Variants in CTNNA2 observed in about 807,000 individuals in gnomAD.
CTNNA2 encodes the protein catenin alpha-2.
Under a neutral mutation model 101.0 loss-of-function variants are expected in CTNNA2, and 42 were observed. The observed-to-expected ratio is 0.42, with a 90% confidence interval of 0.32 to 0.54. The LOEUF (loss-of-function observed/expected upper bound fraction) is 0.54. Among genes scored for constraint, CTNNA2 ranks in the 20% least tolerant of loss-of-function variants. CTNNA2 has a pLI of 0.14. For missense variants in CTNNA2, 871 were observed against 1,223.1 expected, an observed-to-expected ratio of 0.71 and a Z score of 4.29; for synonymous variants, 450 against 456.4, an observed-to-expected ratio of 0.99 and a Z score of 0.18.
chr2:79,808,497 A>G (rs73941317), intron 3 of CTNNA2, among the ~76,000 whole-genome samples: 4,483 of 152,260 alleles, frequency 0.029, 240 homozygotes, highest in African/African-American at 0.1. Flanking sequence ...AGCTAGAGCT[A>G]TCACCGAATT....
Position 79,922,642 on chromosome 2 carries a change from CTT to C in CTNNA2, c.1056+12860_1056+12861del, listed in dbSNP as rs35186079. On this transcript the variant is annotated intron_variant, in intron 7 of 18. Transcript: ENST00000402739. ...CCTTTAAAACCATATCAGTTTTTTA[CTT>C]TTTTTTTTTTTTTTAGTTCTTTCAA... Among the ~76,000 whole-genome samples the C allele has an allele frequency of 1.2e-3, 158 of 137,160 alleles. 3 individuals carry two copies. The highest frequency in any genetic ancestry group is 3.9e-3 in the African/African-American group (146 of 37,466). The allele number at this position is 137,160 out of a possible 152,430, so 90.0% of individuals were successfully genotyped here.
At chr2:80,522,395 T>TA (rs1156669228) in intron 9 of CTNNA2, among the ~76,000 whole-genome samples, 3 of 152,110 alleles carry the variant, frequency 2.0e-5, no homozygotes, top group Admixed American at 6.5e-5. Context: ...CTGTAGAAAA[T>TA]AGATTGCATT....
At chr2:79,985,656 C>T (rs998570685) in intron 7 of CTNNA2, among the ~76,000 whole-genome samples, 4 of 152,160 alleles carry the variant, frequency 2.6e-5, no homozygotes, top group Non-Finnish European at 5.9e-5. Flanking sequence ...ATTAAGCAAA[C>T]TAATCTACTG....
chr2:80,036,149 A>G (rs2104232786), intron 7 of CTNNA2, among the ~76,000 whole-genome samples: 2 of 152,294 alleles, frequency 1.3e-5, no homozygotes, highest in South Asian at 4.2e-4. Flanking sequence ...ATAATCTACT[A>G]GAGACTGGAG....
intron 18 of CTNNA2, among the ~76,000 whole-genome samples, chr2:80,624,109 A>G (rs1249156830): frequency 2.6e-5 from 4 of 151,978 alleles, no homozygotes; most frequent in South Asian, 2.1e-4. Context: ...ATGAAGATTG[A>G]AGCTAAGTTG....
At chr2:79,537,796 CTTT>C (rs34057879) in intron 1 of CTNNA2, among the ~76,000 whole-genome samples, 1 of 145,384 alleles carries the variant, frequency 6.9e-6, no homozygotes, top group Non-Finnish European at 1.5e-5. Context: ...ATTACTATGC[CTTT>C]TTTTTTTTTT....
At chr2:80,404,350 TG>T (rs1200280824) in intron 8 of CTNNA2, among the ~76,000 whole-genome samples, 6 of 151,850 alleles carry the variant, frequency 4.0e-5, no homozygotes, top group Non-Finnish European at 1.5e-5. Context: ...ACACAGCTCC[TG>T]GATTTGTTGA....
chr2:80,634,465 A>G (rs904924124), intron 18 of CTNNA2, among the ~76,000 whole-genome samples: 6 of 149,698 alleles, frequency 4.0e-5, no homozygotes, highest in Admixed American at 6.7e-5. Flanking sequence ...ACAAGAAACC[A>G]GTATTTAGGA....
At chr2:79,215,449 C>G (rs1423611565) in intron 2 of CTNNA2, among the ~76,000 whole-genome samples, 1 of 152,160 alleles carries the variant, frequency 6.6e-6, no homozygotes, top group Non-Finnish European at 1.5e-5. Flanking sequence ...TATTGTACAC[C>G]TCGAAGGTGA....
At chr2:79,876,669 C>T (rs78638539) in intron 6 of CTNNA2, among the ~76,000 whole-genome samples, 8,159 of 152,220 alleles carry the variant, frequency 0.054, 587 homozygotes, top group East Asian at 0.33. Context: ...TGTTTCCAGA[C>T]GATTTTCATT....
At chr2:79,314,792 T>G (rs2104403519) in intron 3 of CTNNA2, among the ~76,000 whole-genome samples, 1 of 152,328 alleles carries the variant, frequency 6.6e-6, no homozygotes, top group Admixed American at 6.5e-5. Flanking sequence ...GAGTTTCAAA[T>G]TCTTTCCCTG....
chr2:79,392,609 T>C (rs897499315), intron 4 of CTNNA2, among the ~76,000 whole-genome samples: 1 of 152,200 alleles, frequency 6.6e-6, no homozygotes, highest in Non-Finnish European at 1.5e-5. Context: ...ACTGTTTTTA[T>C]CTTTATTTTC....
At chr2:79,202,795 G>T (rs1237337646) in intron 2 of CTNNA2, among the ~76,000 whole-genome samples, 1 of 152,042 alleles carries the variant, frequency 6.6e-6, no homozygotes, top group Non-Finnish European at 1.5e-5. Flanking sequence ...CACAAGCCCA[G>T]CCATTGTTCT....
chr2:79,589,944 A>C (rs536089285), intron 1 of CTNNA2, among the ~76,000 whole-genome samples: 1 of 152,334 alleles, frequency 6.6e-6, no homozygotes, highest in East Asian at 1.9e-4. Flanking sequence ...TCTTCTAGGT[A>C]TACACAATCA....
At chr2:80,009,037 A>T (rs998313997) in intron 7 of CTNNA2, among the ~76,000 whole-genome samples, 7 of 152,216 alleles carry the variant, frequency 4.6e-5, no homozygotes, top group Non-Finnish European at 8.8e-5. Context: ...AAACTATGGC[A>T]TTGGAGAAGG....
chr2:80,515,050 T>C (rs1222381610), intron 9 of CTNNA2, among the ~76,000 whole-genome samples: 1 of 152,136 alleles, frequency 6.6e-6, no homozygotes, highest in East Asian at 1.9e-4. Context: ...ATTTCTCCTT[T>C]TGCAGGGAGA....
chr2:80,120,479 T>G (rs1432919282), intron 7 of CTNNA2, among the ~76,000 whole-genome samples: 2 of 152,144 alleles, frequency 1.3e-5, no homozygotes, highest in East Asian at 3.9e-4. Context: ...TGGATGAACT[T>G]GAGACTAAGG....
intron 7 of CTNNA2, among the ~76,000 whole-genome samples, chr2:80,277,554 A>G (rs1036252828): frequency 1.0e-4 from 3 of 28,678 alleles, no homozygotes; most frequent in Admixed American, 7.3e-4. Flanking sequence ...AGGATTTCTG[A>G]AAAAAAAAAA....
At chr2:79,370,071 G>T (rs554867839) in intron 3 of CTNNA2, among the ~76,000 whole-genome samples, 1 of 152,138 alleles carries the variant, frequency 6.6e-6, no homozygotes, top group East Asian at 1.9e-4. Flanking sequence ...ATGTTAAATA[G>T]AGGACAAGAT....
Sources: gnomAD v4.1 joint callset for allele counts (sites outside exome capture counted in the v4.1 genomes callset) on GRCh38, gnomAD v4.1.1 for gene constraint, MANE v1.5 for transcripts, NCBI Gene and HGNC (gene_info 2026-07-23, HGNC 2026-07-21) for gene names.